Variants in ZNF730 observed in about 807,000 individuals in gnomAD.
The protein encoded by ZNF730 is zinc finger protein 730, also known as putative zinc finger protein 730.
A neutral mutation model predicts 12.6 loss-of-function variants in ZNF730; 12 were observed. The ratio of observed to expected loss-of-function variants is 0.95; its 90% confidence interval spans 0.61 to 1.54. The LOEUF (loss-of-function observed/expected upper bound fraction) is 1.54. ZNF730 is among the 40% of genes most tolerant of loss of function. The probability of loss-of-function intolerance (pLI) is 0.00; values close to 1 mark genes in which losing one functional copy is unlikely to be tolerated. For missense variants in ZNF730, 643 were observed against 583.5 expected (o/e 1.10, Z -1.05); for synonymous variants, 194 against 195.8 (o/e 0.99, Z 0.08).
chr19:23,129,149 T>A (rs1242151230), intron 1 of ZNF730, among the ~76,000 whole-genome samples: 1 of 152,176 alleles, frequency 6.6e-6, no homozygotes, highest in Non-Finnish European at 1.5e-5. Context: ...TCATGAAGAA[T>A]ATCTGCTAGG....
chr19:23,124,232 G>A (rs539421629), intron 1 of ZNF730: 1 of 152,308 alleles, frequency 6.6e-6, no homozygotes, highest in South Asian at 2.1e-4. Flanking sequence ...ACGCAAGCAG[G>A]GTGCTGCATG....
intron 3 of ZNF730, among the ~76,000 whole-genome samples, chr19:23,144,973 G>C (rs553980610): frequency 6.6e-6 from 1 of 152,262 alleles, no homozygotes; most frequent in South Asian, 2.1e-4. Flanking sequence ...TACTTGTAAA[G>C]TCACTATGTT....
At chr19:23,128,432 A>C in intron 1 of ZNF730, 1 of 371,070 alleles carries the variant, frequency 2.7e-6, no homozygotes, top group Non-Finnish European at 5.1e-6. Context: ...TATGAGAAGA[A>C]GCCCAAGAAA....
At chr19:23,093,277 G>T (rs1970188040) in intron 1 of ZNF730, among the ~76,000 whole-genome samples, 1 of 152,176 alleles carries the variant, frequency 6.6e-6, no homozygotes, top group Admixed American at 6.5e-5. Flanking sequence ...CGCCCAGCCT[G>T]TCGTTAATTT....
chr19:23,108,412 CTG>C (rs1270704122), intron 1 of ZNF730, among the ~76,000 whole-genome samples: 1 of 152,108 alleles, frequency 6.6e-6, no homozygotes, highest in East Asian at 1.9e-4. Context: ...GATGGATTCA[CTG>C]TGTGTGATTA....
chr19:23,144,715 A>AAAAAAAAAAAAAT, intron 3 of ZNF730, among the ~76,000 whole-genome samples: 1 of 151,034 alleles, frequency 6.6e-6, no homozygotes, highest in Non-Finnish European at 1.5e-5. Flanking sequence ...AAAAAAAAAA[A>AAAAAAAAAAAAAT]ATTAGTAATC....
chr19:23,105,135 T>G (rs1258783295), intron 1 of ZNF730, among the ~76,000 whole-genome samples: 3 of 151,390 alleles, frequency 2.0e-5, no homozygotes. Flanking sequence ...TTTTTTTTTT[T>G]TAGATGGAGT....
intron 1 of ZNF730, among the ~76,000 whole-genome samples, chr19:23,131,470 C>T (rs779518396): frequency 1.2e-4 from 19 of 152,302 alleles, no homozygotes; most frequent in Non-Finnish European, 2.4e-4. Context: ...CAGACTTAAA[C>T]GTTGCTTTCT....
intron 1 of ZNF730, among the ~76,000 whole-genome samples, chr19:23,117,680 G>A (rs1412074097): frequency 1.3e-5 from 2 of 152,190 alleles, no homozygotes; most frequent in Non-Finnish European, 1.5e-5. Context: ...CGGGCTTGAA[G>A]GAAAGACTTT....
chr19:23,094,207 G>GT lies in ZNF730; in HGVS notation c.-94+18830dup, dbSNP rs142747717. On this transcript the variant is annotated intron_variant, in intron 1 of 2. Transcript: ENST00000593635. Reference sequence around the variant, plus strand: ...TGTTTCCACAGTACATTGAATTGCTGTTTTTTTTTTCTTTCTTTTCTCTCT... The same window carrying GT: ...TGTTTCCACAGTACATTGAATTGCTGTTTTTTTTTTTCTTTCTTTTCTCTCT... Among the ~76,000 whole-genome samples the GT allele has an allele frequency of 1.8e-3, 265 of 147,166 alleles. 5 individuals are homozygous for GT. In the South Asian group the frequency reaches 0.02, roughly 11 times the overall value.
At chr19:23,118,502 TTGA>T (rs1970560729) in intron 1 of ZNF730, among the ~76,000 whole-genome samples, 2 of 152,120 alleles carry the variant, frequency 1.3e-5, no homozygotes, top group Non-Finnish European at 2.9e-5. Flanking sequence ...GCTAGAGTGT[TTGA>T]TGATTATTAG....
chr19:23,144,555 C>G (rs1232955482), intron 3 of ZNF730, among the ~76,000 whole-genome samples: 1 of 151,816 alleles, frequency 6.6e-6, no homozygotes, highest in Non-Finnish European at 1.5e-5. Flanking sequence ...AAAAAATTAG[C>G]TGGGCGTGGT....
intron 1 of ZNF730, chr19:23,100,146 A>G (rs1284226100): frequency 4.6e-5 from 7 of 152,120 alleles, no homozygotes; most frequent in East Asian, 3.9e-4. Context: ...GTCTTCACCA[A>G]TCACTGAGGT....
chr19:23,146,195 C>T lies in ZNF730; in HGVS notation c.1151C>T (p.Thr384Ile). The T allele has an allele frequency of 6.2e-7, 1 of 1,609,366 alleles. No individual in the cohort carries two copies. Among genetic ancestry groups the T allele is most frequent in the Admixed American group, 1.7e-5 (1 of 59,252 alleles). ...GCTTTTAACCAATCCTCAACTCTTA[C>T]TATACATAAGATAATTCATACTGTA... ...GKAFNQSSTLTIHKIIHTVEK... is the reference protein window; with the variant it reads ...GKAFNQSSTLIIHKIIHTVEK... The change falls in exon 4 of 4, where the codon ACT becomes ATT. Residue 384 changes from threonine (T) to isoleucine (I), a missense_variant. Thr to Ile is a moderately conservative substitution (Grantham distance 89). Transcript: ENST00000597761.
chr19:23,088,521 T>C (rs1056757277), intron 1 of ZNF730, among the ~76,000 whole-genome samples: 1 of 151,946 alleles, frequency 6.6e-6, no homozygotes, highest in Non-Finnish European at 1.5e-5. Flanking sequence ...TAGGCTGGAG[T>C]GCAATGGCAT....
chr19:23,142,356 G>A (rs530747483), intron 3 of ZNF730, among the ~76,000 whole-genome samples: 2 of 152,174 alleles, frequency 1.3e-5, no homozygotes, highest in African/African-American at 2.4e-5. Context: ...TTGGATCTTG[G>A]TTTTTAAAAT....
chr19:23,078,697 C>T (rs1374505724), intron 1 of ZNF730, among the ~76,000 whole-genome samples: 1 of 152,204 alleles, frequency 6.6e-6, no homozygotes, highest in East Asian at 1.9e-4. Context: ...GTGTCTCTTT[C>T]TTTTCTCAGT....
At chr19:23,077,993 C>T (rs1312813752) in intron 1 of ZNF730, among the ~76,000 whole-genome samples, 2 of 152,136 alleles carry the variant, frequency 1.3e-5, no homozygotes, top group African/African-American at 4.8e-5. Flanking sequence ...AAAGTCATCA[C>T]CAGTCTCTAA....
chr19:23,095,312 C>G, intron 1 of ZNF730: 1 of 398,598 alleles, frequency 2.5e-6, no homozygotes, highest in Non-Finnish European at 4.4e-6. Flanking sequence ...ATGTGACTCT[C>G]CTGCGTGTGC....
Sources: gnomAD v4.1 joint callset for allele counts (sites outside exome capture counted in the v4.1 genomes callset) on GRCh38, gnomAD v4.1.1 for gene constraint, MANE v1.5 for transcripts, NCBI Gene and HGNC (gene_info 2026-07-23, HGNC 2026-07-21) for gene names.